Variants in C2orf92 observed in about 807,000 individuals in gnomAD.
C2orf92 encodes the protein chromosome 2 open reading frame 92, also known as uncharacterized protein C2orf92.
intron 5 of C2orf92, among the ~76,000 whole-genome samples, chr2:97,692,412 T>C: frequency 6.8e-6 from 1 of 146,288 alleles, no homozygotes; most frequent in Non-Finnish European, 1.5e-5. Context: ...TACTTCTTTT[T>C]TTTTTTTTTT....
At chr2:97,665,717 CTCT>C (rs1675193997), upstream of C2orf92, 1 of 48,412 alleles carries the variant, frequency 2.1e-5, no homozygotes, top group Non-Finnish European at 4.5e-5. Flanking sequence ...CTCTCTCTCT[CTCT>C]CTCTCTCTCT....
At chr2:97,684,596 CA>C (rs1422593387) in intron 3 of C2orf92, among the ~76,000 whole-genome samples, 1 of 152,084 alleles carries the variant, frequency 6.6e-6, no homozygotes, top group African/African-American at 2.4e-5. Context: ...ACACCAAAAG[CA>C]GGCAAAAAGA....
intron 3 of C2orf92, among the ~76,000 whole-genome samples, chr2:97,684,031 ATT>A (rs1204247684): frequency 3.5e-4 from 38 of 107,196 alleles, no homozygotes; most frequent in African/African-American, 1.2e-3. Flanking sequence ...TGCCCAGCTA[ATT>A]TTTTTTTTTT....
At chr2:97,675,385 C>G (rs938174232) in intron 2 of C2orf92, among the ~76,000 whole-genome samples, 7 of 152,318 alleles carry the variant, frequency 4.6e-5, no homozygotes, top group Non-Finnish European at 8.8e-5. Context: ...ATGATGCTCC[C>G]TTGGCAGATA....
intron 5 of C2orf92, among the ~76,000 whole-genome samples, chr2:97,693,082 T>G (rs1028796671): frequency 2.0e-5 from 3 of 152,244 alleles, no homozygotes; most frequent in Non-Finnish European, 2.9e-5. Context: ...ATACAGTATT[T>G]GTCTTTTTGT....
intron 5 of C2orf92, among the ~76,000 whole-genome samples, chr2:97,693,191 T>G (rs1380313789): frequency 6.6e-6 from 1 of 152,242 alleles, no homozygotes; most frequent in African/African-American, 2.4e-5. Context: ...AATATTCTAT[T>G]GTATATATAT....
At chr2:97,684,733 C>T (rs2104569135) in intron 3 of C2orf92, among the ~76,000 whole-genome samples, 1 of 152,240 alleles carries the variant, frequency 6.6e-6, no homozygotes, top group Admixed American at 6.5e-5. Context: ...ATCCAGAAGA[C>T]ACAGCAAACT....
At chr2:97,679,175 A>G (rs549507003) in intron 3 of C2orf92, among the ~76,000 whole-genome samples, 4 of 47,514 alleles carry the variant, frequency 8.4e-5, no homozygotes, top group Non-Finnish European at 4.7e-4. Flanking sequence ...TTGACATAAG[A>G]AAAAAAAAAA....
rs144500045 is a variant in C2orf92 at position 97,680,251 on chromosome 2, A to T, written c.232+4323A>T. Reference sequence around the variant, plus strand: ...GAGGCAGAGGTTGCAGTGAGCCGAGATCATGCCACTGCATTTCAGCCTGGG... The same window carrying T: ...GAGGCAGAGGTTGCAGTGAGCCGAGTTCATGCCACTGCATTTCAGCCTGGG... On this transcript the variant is annotated intron_variant, in intron 3 of 7. Transcript: ENST00000627399. Among the ~76,000 whole-genome samples, 544 of 152,356 alleles carry T rather than the reference A, an allele frequency of 3.6e-3. 1 individual carries two copies. Among genetic ancestry groups the T allele is most frequent in the African/African-American group, 0.011 (472 of 41,580 alleles).
intron 2 of C2orf92, among the ~76,000 whole-genome samples, chr2:97,674,921 C>T (rs552559977): frequency 2.6e-5 from 4 of 152,282 alleles, no homozygotes; most frequent in African/African-American, 9.6e-5. Flanking sequence ...TTCACCAGCG[C>T]TTTATAGGTC....
At chr2:97,679,687 C>G (rs1212149965) in intron 3 of C2orf92, among the ~76,000 whole-genome samples, 2 of 150,674 alleles carry the variant, frequency 1.3e-5, no homozygotes, top group Non-Finnish European at 3.0e-5. Context: ...ACTAAAAATA[C>G]AAAAATTAGC....
chr2:97,665,719 CTCTCTCTCTCTCTCTCTCTATATA>C (rs1166664332), upstream of C2orf92: 125 of 57,430 alleles, frequency 2.2e-3, no homozygotes, highest in Middle Eastern at 8.2e-3. Flanking sequence ...CTCTCTCTCT[CTCTCTCTCTCTCTCTCTCTATATA>C]TATATATATA....
At chr2:97,675,488 G>T (rs1675544322) in intron 2 of C2orf92, 1 of 199,708 alleles carries the variant, frequency 5.0e-6, no homozygotes, top group South Asian at 1.9e-4. Context: ...AGAGAACTGT[G>T]CATTGTCATT....
intron 3 of C2orf92, among the ~76,000 whole-genome samples, chr2:97,688,149 C>T (rs542720203): frequency 1.8e-4 from 28 of 152,118 alleles, no homozygotes; most frequent in African/African-American, 6.5e-4. Flanking sequence ...TCCAGGGACT[C>T]GTAGGTCAGC....
intron 3 of C2orf92, among the ~76,000 whole-genome samples, chr2:97,684,480 T>G (rs1675888462): frequency 6.6e-6 from 1 of 152,208 alleles, no homozygotes; most frequent in Non-Finnish European, 1.5e-5. Flanking sequence ...AAATTCAAAG[T>G]AGGTCAAAGA....
At chr2:97,702,118 C>T (rs1290644372) in intron 7 of C2orf92, 1 of 152,330 alleles carries the variant, frequency 6.6e-6, no homozygotes, top group African/African-American at 2.4e-5. Flanking sequence ...TTCAGTCCTG[C>T]CTGACACTGC....
chr2:97,700,830 C>T (rs1266897827), intron 6 of C2orf92, among the ~76,000 whole-genome samples: 2 of 151,914 alleles, frequency 1.3e-5, no homozygotes, highest in South Asian at 2.1e-4. Context: ...CCCGGGTTCA[C>T]GCCATTCTCC....
rs1244539994 is a variant in C2orf92, at chr2:97,674,279, A to C, written c.47-177A>C. On this transcript the variant is annotated intron_variant, in intron 1 of 7. Transcript: ENST00000627399. ...GCTGCCCCAAATGTCTCATGCCATT[A>C]AAATGTTCTGGAAATGATTTAGGTA... 1.0e-5 allele frequency: 4 copies of C among 389,502 alleles called. No homozygotes were observed. The South Asian group carries it at 5.8e-4, about 56-fold the overall frequency. 24.1% of individuals were successfully genotyped at this position (389,502 alleles called of 1,614,324 possible). A position where few individuals can be genotyped will look rare whatever the true frequency, so the allele number is the denominator to read the frequency against.
chr2:97,666,529 C>CAAA (rs34223345), upstream of C2orf92, among the ~76,000 whole-genome samples: 44 of 70,086 alleles, frequency 6.3e-4, no homozygotes, highest in Middle Eastern at 0.011. Context: ...GACTCCGTCT[C>CAAA]AAAAAAAAAA....
Sources: allele counts gnomAD v4.1 joint callset (sites outside exome capture counted in the v4.1 genomes callset), GRCh38; gene constraint gnomAD v4.1.1; transcripts MANE v1.5; gene names NCBI Gene and HGNC (gene_info 2026-07-23, HGNC 2026-07-21).